The following PKHD1L1 variants were observed in gnomAD, a reference collection of about 807,000 sequenced individuals.
PKHD1L1 encodes the protein PKHD1 like 1.
PKHD1L1 carries 434 observed loss-of-function variants against 462.9 expected under a neutral mutation model. The ratio of observed to expected loss-of-function variants is 0.94; its 90% CI spans 0.87 to 1.02. PKHD1L1 has a LOEUF of 1.02. PKHD1L1 is among the 50% of genes least tolerant of loss of function. The pLI, the probability that PKHD1L1 is intolerant of heterozygous loss-of-function variation, is 0.00. For missense variants in PKHD1L1, 5,202 were observed against 5,096.1 expected (o/e 1.02, Z -0.63); for synonymous variants, 1,781 against 1,750.0 (o/e 1.02, Z -0.44).
chr8:109,382,621 T>C (rs760001862), intron 4 of PKHD1L1, 50 bp downstream of exon 4: 25 of 1,471,252 alleles, frequency 1.7e-5, no homozygotes, highest in Non-Finnish European at 2.3e-5. Context: ...CTTGCTTTCT[T>C]TCCTGCAGAA....
rs1305054252 is a variant in PKHD1L1, at chr8:109,523,292, C to G, written c.12390C>G (p.Ser4130=). ...CTTTGAGGGCCATACTCAAGGACTC[C>G]AATAATAACCAAGTCAATGGCCTTA... ...ALTLRAILKD[S]NNNQVNGLSG... is the part of the protein sequence containing the mutation. Residue 4130 remains serine, a synonymous_variant, in exon 76 of 78, where the codon TCC becomes TCG. Coordinates refer to ENST00000378402, the MANE Select transcript of PKHD1L1 (RefSeq NM_177531.6). 3.7e-6 allele frequency: 6 copies of G among 1,611,474 alleles called. No individual in the cohort carries two copies. The highest frequency in any genetic ancestry group is 5.1e-6 in the Non-Finnish European group (6 of 1,178,540).
intron 52 of PKHD1L1, among the ~76,000 whole-genome samples, chr8:109,476,905 T>C (rs1271090417): frequency 6.6e-6 from 1 of 152,180 alleles, no homozygotes; most frequent in Non-Finnish European, 1.5e-5. Flanking sequence ...CAGTTTTATT[T>C]CATGGGCTTA....
At chr8:109,429,569 A>T in intron 26 of PKHD1L1, 107 bp downstream of exon 26, 1 of 1,075,210 alleles carries the variant, frequency 9.3e-7, no homozygotes, top group Non-Finnish European at 1.3e-6. Flanking sequence ...TCTGTATTTC[A>T]TGGGAACATT....
At position 109,535,971 on chromosome 8, in the gene PKHD1L1, AAAGGGAACAAAG is replaced by A. The variant is rs796881269; in HGVS notation, c.*5898_*5909del. ...CTCTTTCATCCTATGCCTTTAAAACAAAGGGAACAAAGAAGGGAACAAAGAAGGTAGAAGCGG... is the reference window on the plus strand; with the variant it reads ...CTCTTTCATCCTATGCCTTTAAAACAAAGGGAACAAAGAAGGTAGAAGCGG... On this transcript the variant is annotated 3_prime_UTR_variant, in exon 78 of 78. Coordinates refer to ENST00000378402, the MANE Select transcript of PKHD1L1 (RefSeq NM_177531.6). Among the ~76,000 whole-genome samples, 11 of 151,266 alleles carry A rather than the reference AAAGGGAACAAAG, an allele frequency of 7.3e-5. No individual in the cohort carries two copies. Among genetic ancestry groups the A allele is most frequent in the African/African-American group, 1.9e-4 (8 of 41,422 alleles).
intron 14 of PKHD1L1, among the ~76,000 whole-genome samples, chr8:109,403,268 G>A (rs968897012): frequency 1.3e-5 from 2 of 152,122 alleles, no homozygotes; most frequent in Admixed American, 1.3e-4. Context: ...TCCAAAGGTA[G>A]CTCATATTGC....
At chr8:109,403,488 A>G (rs1330188896) in intron 14 of PKHD1L1, among the ~76,000 whole-genome samples, 1 of 152,184 alleles carries the variant, frequency 6.6e-6, no homozygotes, top group African/African-American at 2.4e-5. Context: ...ATGTCTGCAA[A>G]GTGCTTAGTT....
Position 109,469,660 on chromosome 8 carries a change from T to G in PKHD1L1, c.8605+2891T>G, listed in dbSNP as rs376454259. 8.5e-5 allele frequency among the ~76,000 whole-genome samples: 13 copies of G among 152,252 alleles called. No individual in the cohort carries two copies. In the South Asian group the frequency reaches 2.7e-3, roughly 32 times the overall value. On this transcript the variant is annotated intron_variant, in intron 50 of 77. Transcript: ENST00000378402. Reference sequence around the variant, plus strand: ...TTAAAACATTTTTTCTAGGTTTTTTTCCCCTGTGAATTAAAAGGGTCATGT... The same window carrying G: ...TTAAAACATTTTTTCTAGGTTTTTTGCCCCTGTGAATTAAAAGGGTCATGT...
intron 69 of PKHD1L1, 96 bp downstream of exon 69, chr8:109,507,991 T>C: frequency 6.6e-7 from 1 of 1,510,180 alleles, no homozygotes; most frequent in African/African-American, 1.4e-5. Context: ...CCAATAACTT[T>C]TATTTTCTAC....
intron 48 of PKHD1L1, 113 bp from the exon 49 acceptor site, chr8:109,464,103 G>T (rs1458030282): frequency 5.6e-6 from 4 of 714,312 alleles, no homozygotes; most frequent in African/African-American, 1.9e-5. Flanking sequence ...TGAAAAATTT[G>T]GAAGAAATAA....
chr8:109,506,761 A>G (rs1367315039), intron 68 of PKHD1L1, among the ~76,000 whole-genome samples: 1 of 152,220 alleles, frequency 6.6e-6, no homozygotes, highest in African/African-American at 2.4e-5. Flanking sequence ...CATAGCAAAA[A>G]GGGAGAGCTA....
At chr8:109,405,550 GA>G (rs1813491604) in intron 16 of PKHD1L1, among the ~76,000 whole-genome samples, 1 of 152,022 alleles carries the variant, frequency 6.6e-6, no homozygotes, top group Non-Finnish European at 1.5e-5. Flanking sequence ...GACATGGATG[GA>G]GCTTAAAGCC....
Position 109,429,952 on chromosome 8 carries a change from A to G in PKHD1L1, c.3144A>G (p.Gly1048=). 1.9e-6 allele frequency: 3 copies of G among 1,612,252 alleles called. No individual in the cohort carries two copies. The highest frequency in any genetic ancestry group is 2.5e-6 in the Non-Finnish European group (3 of 1,178,998). ...QQPQVEVYVN[G]IPAKCSGDCG... ...TGAAGGTTGAAGTCTATGTCAATGGAATTCCAGCTAAATGTTCAGGTGACT... is the reference window on the plus strand; with the variant it reads ...TGAAGGTTGAAGTCTATGTCAATGGGATTCCAGCTAAATGTTCAGGTGACT... The change falls in exon 27 of 78, where the codon GGA becomes GGG. Residue 1048 remains glycine (G), a synonymous_variant. Coordinates refer to ENST00000378402, the MANE Select transcript of PKHD1L1 (RefSeq NM_177531.6).
intron 6 of PKHD1L1, among the ~76,000 whole-genome samples, chr8:109,387,874 T>C (rs1255405246): frequency 6.6e-6 from 1 of 152,182 alleles, no homozygotes; most frequent in East Asian, 1.9e-4. Flanking sequence ...CTAACACCAA[T>C]CAGTCACCTG....
intron 14 of PKHD1L1, among the ~76,000 whole-genome samples, chr8:109,402,084 G>A (rs1050581859): frequency 3.3e-5 from 5 of 152,128 alleles, no homozygotes; most frequent in African/African-American, 1.2e-4. Context: ...GTGTTGAAAG[G>A]TCAAGTCCAA....
At position 109,425,231 on chromosome 8, in the gene PKHD1L1, A is replaced by T. The variant is rs776352666; in HGVS notation, c.2844A>T (p.Lys948Asn). The change falls in exon 24 of 78, where the codon AAA (lysine) becomes AAT (asparagine). Residue 948 changes from lysine to asparagine, a missense_variant and splice_region_variant. This residue lies in a region of PKHD1L1 where 4,497 missense variants were observed against 4,336.8 expected (regional missense o/e 1.04). Transcript: ENST00000378402. ...FDIQAYGHIL[K>N]GLPAAVSAAD... ...TTCAAGCTTATGGACATATTCTTAAAGGTATATGAAAAAAATTTAAAATAT... is the reference window on the plus strand; with the variant it reads ...TTCAAGCTTATGGACATATTCTTAATGGTATATGAAAAAAATTTAAAATAT... 3.2e-6 allele frequency: 5 copies of T among 1,574,750 alleles called. No individual in the cohort carries two copies. The highest frequency in any genetic ancestry group is 4.3e-6 in the Non-Finnish European group (5 of 1,165,596).
chr8:109,476,804 T>C, intron 52 of PKHD1L1, 137 bp downstream of exon 52: 1 of 758,010 alleles, frequency 1.3e-6, no homozygotes, highest in South Asian at 2.5e-5. Flanking sequence ...ATGGAAAAAC[T>C]GGAGACAAAA....
At position 109,517,673 on chromosome 8, in the gene PKHD1L1, A is replaced by G. The variant is rs992684615; in HGVS notation, c.11690-494A>G. Among the ~76,000 whole-genome samples, 4 of 151,914 alleles carry G rather than the reference A, an allele frequency of 2.6e-5. No individual in the cohort carries two copies. In the East Asian group the frequency reaches 7.7e-4, roughly 29 times the overall value. On this transcript the variant is annotated intron_variant, in intron 72 of 77. Transcript: ENST00000378402. Reference sequence around the variant, plus strand: ...AGATTCTTCTGAGATGTTTTAATGTATACTTCATTTTTATTACACAGTTTT... The same window carrying G: ...AGATTCTTCTGAGATGTTTTAATGTGTACTTCATTTTTATTACACAGTTTT...
At chr8:109,496,824 GA>G in intron 63 of PKHD1L1, 94 bp from the exon 64 acceptor site, 1 of 1,331,432 alleles carries the variant, frequency 7.5e-7, no homozygotes, top group Non-Finnish European at 1.0e-6. Flanking sequence ...ATGTAATTTT[GA>G]AAAGAATTTT....
Position 109,464,737 on chromosome 8 carries a change from G to A in PKHD1L1, c.7905G>A (p.Thr2635=), listed in dbSNP as rs1817335322. Residue 2635 remains threonine (T), a synonymous_variant, in exon 49 of 78, where the codon ACG becomes ACA. Transcript: ENST00000378402. ...WIFEEYFPMQ[T]GSCTSTVPAP... is the part of the protein sequence containing the mutation. ...TTGAGGAATATTTCCCCATGCAAAC[G>A]GGATCTTGTACATCTACAGTGCCTG... 5.6e-6 allele frequency: 9 copies of A among 1,613,764 alleles called. No individual in the cohort carries two copies. Among genetic ancestry groups the A allele is most frequent in the African/African-American group, 4.0e-5 (3 of 75,002 alleles).
Sources: allele counts gnomAD v4.1 joint callset (sites outside exome capture counted in the v4.1 genomes callset), GRCh38; gene constraint gnomAD v4.1.1; regional missense constraint gnomAD v4.1.1; transcripts MANE v1.5; gene names NCBI Gene and HGNC (gene_info 2026-07-23, HGNC 2026-07-21).